ANKRD12: variants seen among roughly 807,000 people sequenced by gnomAD.
ANKRD12 encodes the protein ankyrin repeat domain-containing protein 12.
In ANKRD12, 85 loss-of-function variants were observed where a neutral mutation model predicts 183.4. The ratio of observed to expected loss-of-function variants is 0.46; its 90% CI spans 0.39 to 0.56. The LOEUF is 0.56. Ranked by LOEUF, ANKRD12 falls within the 20% of genes least tolerant of loss-of-function variation. The pLI is 0.00. For missense variants in ANKRD12, 2,405 were observed against 2,357.1 expected (o/e 1.02, Z -0.42); for synonymous variants, 914 against 800.2 (o/e 1.14, Z -2.40).
In ANKRD12 at chr18:9,256,304, G is replaced by A; in HGVS notation, c.3037G>A (p.Asp1013Asn). The A allele has an allele frequency of 6.3e-7, 1 of 1,598,156 alleles. No individual in the cohort carries two copies. The change falls in exon 9 of 13, where the codon GAT becomes AAT. Residue 1013 changes from aspartate to asparagine, a missense_variant. This residue lies in a region of ANKRD12 where 1,983 missense variants were observed against 1,725.9 expected (regional missense o/e 1.15). Coordinates refer to ENST00000262126, the MANE Select transcript of ANKRD12 (RefSeq NM_015208.5). ...AAAAGATGAACCTTTGAAAACTCCAGATGGAAAAGAAAAAGATAAAAAAGA... is the reference window on the plus strand; with the variant it reads ...AAAAGATGAACCTTTGAAAACTCCAAATGGAAAAGAAAAAGATAAAAAAGA... ...KTKDEPLKTP[D>N]GKEKDKKDKD...
intron 1 of ANKRD12, among the ~76,000 whole-genome samples, chr18:9,154,828 G>C (rs754143446): frequency 6.6e-6 from 1 of 152,230 alleles, no homozygotes; most frequent in African/African-American, 2.4e-5. Flanking sequence ...TATTGGAATA[G>C]AGAAGATTAA....
intron 1 of ANKRD12, among the ~76,000 whole-genome samples, chr18:9,149,048 A>T (rs1369659833): frequency 6.6e-6 from 1 of 152,140 alleles, no homozygotes; most frequent in Non-Finnish European, 1.5e-5. Context: ...CCTGCCTCAG[A>T]GTCATCCTCA....
Position 9,255,985 on chromosome 18 carries a change from G to A in ANKRD12, c.2718G>A (p.Lys906=), listed in dbSNP as rs781405117. The A allele has an allele frequency of 1.9e-6, 3 of 1,566,050 alleles. No homozygotes were observed. In the East Asian group the frequency reaches 6.8e-5, roughly 36 times the overall value. ...KTDDREKSRE[K]MDRKHDKEKP... ...ACGACAGAGAGAAAAGTAGAGAAAA[G>A]ATGGATAGGAAACATGACAAAGAAA... Residue 906 remains lysine, a synonymous_variant, in exon 9 of 13, where the codon AAG becomes AAA. Coordinates refer to ENST00000262126, the MANE Select transcript of ANKRD12 (RefSeq NM_015208.5).
chr18:9,157,832 C>G (rs574930619), intron 1 of ANKRD12, among the ~76,000 whole-genome samples: 1 of 151,724 alleles, frequency 6.6e-6, no homozygotes, highest in South Asian at 2.1e-4. Flanking sequence ...GAAAAATGAC[C>G]AAAGATATTA....
intron 8 of ANKRD12, among the ~76,000 whole-genome samples, chr18:9,246,572 G>A (rs2037975144): frequency 6.6e-6 from 1 of 152,122 alleles, no homozygotes; most frequent in Non-Finnish European, 1.5e-5. Context: ...TGAAATAAGT[G>A]CCCGGAGCAA....
At chr18:9,155,970 A>T (rs1330109110) in intron 1 of ANKRD12, among the ~76,000 whole-genome samples, 1 of 151,974 alleles carries the variant, frequency 6.6e-6, no homozygotes, top group South Asian at 2.1e-4. Context: ...CCGAATCTCT[A>T]CTAAAAATGC....
At chr18:9,279,798 A>T (rs545903255) in intron 12 of ANKRD12, among the ~76,000 whole-genome samples, 154 bp downstream of exon 12, 1 of 152,176 alleles carries the variant, frequency 6.6e-6, no homozygotes, top group African/African-American at 2.4e-5. Context: ...GATAAAGACC[A>T]CAAGTCCATT....
rs1302489486 is a variant in ANKRD12, at chr18:9,256,671, A to G, written c.3404A>G (p.Asn1135Ser). The change falls in exon 9 of 13, where the codon AAT (asparagine) becomes AGT (serine). Residue 1135 changes from asparagine to serine, a missense_variant. Around this residue, in one of 7 missense-constraint regions of ANKRD12, gnomAD observed 1,983 missense variants for 1,725.9 expected, o/e 1.15. Transcript: ENST00000262126. ...AAGCATACACCAACTGAATCCAAAA[A>G]TAAAGAACTTACTAGGTCAAAGAGT... ...KTKHTPTESKNKELTRSKSSE... is the reference protein window; with the variant it reads ...KTKHTPTESKSKELTRSKSSE... 1.2e-6 allele frequency: 2 copies of G among 1,606,592 alleles called. No homozygotes were observed. Among genetic ancestry groups the G allele is most frequent in the Admixed American group, 1.7e-5 (1 of 58,104 alleles).
rs771630416 is a variant in ANKRD12, at chr18:9,235,734, C to T, written c.943+13735C>T. On this transcript the variant is annotated intron_variant, in intron 8 of 12. Coordinates refer to ENST00000262126, the MANE Select transcript of ANKRD12 (RefSeq NM_015208.5). ...CAGCAAATTCCAGATTGTGAGAAAGCCAAACAGCCTTGGTTCTTTAACAGA... is the reference window on the plus strand; with the variant it reads ...CAGCAAATTCCAGATTGTGAGAAAGTCAAACAGCCTTGGTTCTTTAACAGA... 305 of 454,534 alleles carry T rather than the reference C, an allele frequency of 6.7e-4. 5 individuals carry two copies. The highest frequency in any genetic ancestry group is 6.6e-4 in the Admixed American group (28 of 42,556). 28.2% of individuals were successfully genotyped at this position (454,534 alleles called of 1,614,324 possible).
chr18:9,150,130 T>C (rs748274608), intron 1 of ANKRD12, among the ~76,000 whole-genome samples: 109 of 152,248 alleles, frequency 7.2e-4, no homozygotes, highest in Non-Finnish European at 1.3e-3. Flanking sequence ...TCTGAATTCT[T>C]TGTCAGGCTC....
At chr18:9,239,498 G>C in intron 8 of ANKRD12, 1 of 1,285,236 alleles carries the variant, frequency 7.8e-7, no homozygotes, top group African/African-American at 1.5e-5. Context: ...TCCACATGGT[G>C]AATGTGCCTG....
chr18:9,160,952 T>G (rs1044202939), intron 1 of ANKRD12, among the ~76,000 whole-genome samples: 24 of 152,196 alleles, frequency 1.6e-4, no homozygotes, highest in Non-Finnish European at 3.1e-4. Flanking sequence ...TAGTCAGTAT[T>G]CATCCATCAC....
At chr18:9,236,833 A>G (rs996114899) in intron 8 of ANKRD12, among the ~76,000 whole-genome samples, 5 of 152,150 alleles carry the variant, frequency 3.3e-5, no homozygotes, top group Admixed American at 2.0e-4. Context: ...CTTGACATAC[A>G]TTGGCCAGAT....
chr18:9,220,881 T>C (rs2036384450), intron 7 of ANKRD12, among the ~76,000 whole-genome samples: 1 of 152,180 alleles, frequency 6.6e-6, no homozygotes, highest in Non-Finnish European at 1.5e-5. Context: ...TTAGATCTTT[T>C]CAGGTCTTAA....
intron 10 of ANKRD12, among the ~76,000 whole-genome samples, chr18:9,271,381 C>T (rs534954595): frequency 8.5e-5 from 13 of 152,158 alleles, no homozygotes; most frequent in African/African-American, 2.2e-4. Context: ...AAAAATTAGA[C>T]GGGTGTGGCG....
At chr18:9,234,205 G>A (rs934256446) in intron 8 of ANKRD12, among the ~76,000 whole-genome samples, 16 of 152,190 alleles carry the variant, frequency 1.1e-4, no homozygotes, top group African/African-American at 3.9e-4. Flanking sequence ...GGCCTAGACA[G>A]GCAGCTCTCT....
intron 9 of ANKRD12, among the ~76,000 whole-genome samples, chr18:9,260,898 C>A (rs1237922213): frequency 6.6e-6 from 1 of 152,130 alleles, no homozygotes; most frequent in Non-Finnish European, 1.5e-5. Flanking sequence ...TCCATAAGCT[C>A]CAGAAACTCA....
intron 9 of ANKRD12, among the ~76,000 whole-genome samples, chr18:9,262,819 G>T (rs1287428122): frequency 1.5e-4 from 6 of 40,344 alleles, no homozygotes; most frequent in Admixed American, 4.3e-4. Context: ...TTTTTTTTGA[G>T]ACAGAGTCTC....
intron 8 of ANKRD12, among the ~76,000 whole-genome samples, chr18:9,230,661 T>C (rs1435004004): frequency 1.3e-5 from 2 of 151,898 alleles, no homozygotes; most frequent in African/African-American, 2.4e-5. Flanking sequence ...TCTTCTTTTT[T>C]TTTTTTTTCT....
Sources: allele counts gnomAD v4.1 joint callset (sites outside exome capture counted in the v4.1 genomes callset), GRCh38; gene constraint gnomAD v4.1.1; regional missense constraint gnomAD v4.1.1; transcripts MANE v1.5; gene names NCBI Gene and HGNC (gene_info 2026-07-23, HGNC 2026-07-21).